Variants in SOX5 observed in about 807,000 individuals in gnomAD.
SOX5 encodes transcription factor SOX-5.
SOX5 carries 9 observed loss-of-function variants against 92.0 expected under a neutral mutation model. The observed-to-expected ratio is 0.10, with a 90% CI of 0.06 to 0.17. The LOEUF is 0.17. SOX5 is among the 10% of genes least tolerant of loss of function. The probability of loss-of-function intolerance (pLI) is 1.00; values close to 1 mark genes in which losing one functional copy is unlikely to be tolerated. For missense variants in SOX5, 642 were observed against 944.5 expected, an observed-to-expected ratio of 0.68 and a Z score of 4.20; for synonymous variants, 344 against 336.3, an observed-to-expected ratio of 1.02 and a Z score of -0.25.
At chr12:23,895,552 C>G (rs1289574600) in intron 2 of SOX5, among the ~76,000 whole-genome samples, 1 of 152,086 alleles carries the variant, frequency 6.6e-6, no homozygotes, top group African/African-American at 2.4e-5. Flanking sequence ...TTTTTCCCCT[C>G]TAATTAAATT....
intron 1 of SOX5, among the ~76,000 whole-genome samples, chr12:24,535,201 T>C (rs538053761): frequency 6.6e-6 from 1 of 152,332 alleles, no homozygotes; most frequent in Admixed American, 6.5e-5. Context: ...ATTTAGCCTA[T>C]GTGCTGTGAA....
intron 2 of SOX5, among the ~76,000 whole-genome samples, chr12:23,875,516 G>A (rs2096918121): frequency 6.6e-6 from 1 of 151,422 alleles, no homozygotes. Flanking sequence ...TTTCTTCATA[G>A]AAAGGAAGGA....
intron 4 of SOX5, among the ~76,000 whole-genome samples, chr12:24,098,792 G>C (rs566349658): frequency 3.0e-4 from 46 of 152,258 alleles, no homozygotes; most frequent in African/African-American, 9.9e-4. Flanking sequence ...ACCAAGGGTA[G>C]AGGTAAGTAG....
At chr12:23,983,575 A>G (rs1023692418) in intron 4 of SOX5, among the ~76,000 whole-genome samples, 4 of 152,216 alleles carry the variant, frequency 2.6e-5, no homozygotes, top group African/African-American at 9.6e-5. Context: ...TTGACAATGT[A>G]AGATTTTTGA....
intron 2 of SOX5, among the ~76,000 whole-genome samples, chr12:24,281,093 G>C (rs2140413550): frequency 6.6e-6 from 1 of 151,286 alleles, no homozygotes; most frequent in South Asian, 2.1e-4. Flanking sequence ...GTTTCCATGG[G>C]TACAAATAGA....
intron 1 of SOX5, among the ~76,000 whole-genome samples, chr12:24,506,561 A>G (rs1364118531): frequency 6.6e-6 from 1 of 152,096 alleles, no homozygotes; most frequent in Non-Finnish European, 1.5e-5. Context: ...AATATTTTCA[A>G]TACAACGTGA....
At chr12:24,398,050 C>G (rs1960512948) in intron 1 of SOX5, among the ~76,000 whole-genome samples, 1 of 152,074 alleles carries the variant, frequency 6.6e-6, no homozygotes, top group African/African-American at 2.4e-5. Flanking sequence ...CGGGGTTTCA[C>G]CATGTTAGCC....
At chr12:23,785,431 C>T (rs576399333) in intron 3 of SOX5, among the ~76,000 whole-genome samples, 25 of 151,982 alleles carry the variant, frequency 1.6e-4, no homozygotes, top group Admixed American at 3.3e-4. Context: ...AAGAAACAAG[C>T]GGTGGAATGT....
intron 3 of SOX5, among the ~76,000 whole-genome samples, chr12:24,249,226 C>T (rs996629610): frequency 6.6e-6 from 1 of 152,334 alleles, no homozygotes; most frequent in South Asian, 2.1e-4. Flanking sequence ...CTTTCATAGG[C>T]TTGCACTTGC....
chr12:24,330,326 C>T (rs979452558), intron 2 of SOX5, among the ~76,000 whole-genome samples: 2 of 151,782 alleles, frequency 1.3e-5, no homozygotes, highest in Non-Finnish European at 2.9e-5. Context: ...AACAGGTATA[C>T]CTAAAAGAAA....
chr12:23,916,379 T>C (rs1420836234), intron 1 of SOX5, among the ~76,000 whole-genome samples: 1 of 152,190 alleles, frequency 6.6e-6, no homozygotes, highest in Admixed American at 6.5e-5. Flanking sequence ...TCCAGGTAGA[T>C]TTCTGCAGGC....
chr12:23,760,872 T>C (rs1311327194), intron 3 of SOX5, among the ~76,000 whole-genome samples: 1 of 152,156 alleles, frequency 6.6e-6, no homozygotes, highest in African/African-American at 2.4e-5. Context: ...TTTGTGTTTA[T>C]GTAGGTTTTT....
At position 23,595,449 on chromosome 12, in the gene SOX5, C is replaced by T. The variant is rs148524364; in HGVS notation, c.1164+8938G>A. On this transcript the variant is annotated intron_variant, in intron 9 of 14. Transcript: ENST00000451604. ...CATCCTGGCTAACACGGTGAAACCC[C>T]GTCTCTACTAAAAATACAAAAAAAT... 1.6e-3 allele frequency among the ~76,000 whole-genome samples: 239 copies of T among 151,790 alleles called. 1 individual carries two copies. Among genetic ancestry groups the T allele is most frequent in the African/African-American group, 5.2e-3 (216 of 41,412 alleles).
At chr12:24,192,784 T>C (rs1003835355) in intron 4 of SOX5, among the ~76,000 whole-genome samples, 2 of 152,176 alleles carry the variant, frequency 1.3e-5, no homozygotes, top group African/African-American at 4.8e-5. Context: ...TCCCCCTGCA[T>C]GCTCAGCAAC....
chr12:24,085,285 T>A (rs1475938684), intron 4 of SOX5, among the ~76,000 whole-genome samples: 1 of 152,112 alleles, frequency 6.6e-6, no homozygotes. Context: ...CTACACAATG[T>A]AATGTGGGCT....
intron 2 of SOX5, among the ~76,000 whole-genome samples, chr12:24,318,172 G>A (rs1310856054): frequency 6.6e-6 from 1 of 152,144 alleles, no homozygotes; most frequent in African/African-American, 2.4e-5. Context: ...TCATACCATT[G>A]CACTCCAGCC....
At chr12:24,528,017 G>A (rs1358572638) in intron 1 of SOX5, among the ~76,000 whole-genome samples, 2 of 152,172 alleles carry the variant, frequency 1.3e-5, no homozygotes, top group African/African-American at 4.8e-5. Context: ...TTTACAAAAA[G>A]CTGTCTTCAT....
At chr12:24,032,952 T>G (rs1355759480) in intron 4 of SOX5, among the ~76,000 whole-genome samples, 1 of 151,954 alleles carries the variant, frequency 6.6e-6, no homozygotes, top group Non-Finnish European at 1.5e-5. Context: ...CTTTTAATAT[T>G]AGAAGGCCCT....
rs77200662 is a variant in SOX5, at chr12:24,417,041, A to C, written c.-250-48402T>G. Among the ~76,000 whole-genome samples, 681 of 152,252 alleles carry C rather than the reference A, an allele frequency of 4.5e-3. 11 individuals are homozygous for C. The East Asian group carries it at 0.051, about 11-fold the overall frequency. ...ACATGCTCTGGCAAGCCATGTGAGG[A>C]TCCCCATCACCCCAAACATTGTTGC... is the stretch of plus-strand genomic sequence containing the variant. On this transcript the variant is annotated intron_variant, in intron 1 of 4. Coordinates refer to the SOX5 transcript ENST00000446891.
Sources: gnomAD v4.1 joint callset for allele counts (sites outside exome capture counted in the v4.1 genomes callset) on GRCh38, gnomAD v4.1.1 for gene constraint, MANE v1.5 for transcripts, NCBI Gene and HGNC (gene_info 2026-07-23, HGNC 2026-07-21) for gene names.